The following ADAMTSL3 variants were observed in gnomAD, a reference collection of about 807,000 sequenced individuals.
The protein encoded by ADAMTSL3 is ADAMTS-like protein 3.
In ADAMTSL3, 128 loss-of-function variants were observed where a neutral mutation model predicts 201.7. That is an observed-to-expected ratio of 0.63 (90% CI 0.55 to 0.73). The LOEUF is 0.73. Among genes scored for constraint, ADAMTSL3 ranks in the 30% least tolerant of loss-of-function variants. The pLI is 0.00. For missense variants in ADAMTSL3, 1,990 were observed against 2,119.6 expected (o/e 0.94, Z 1.20); for synonymous variants, 738 against 748.4 (o/e 0.99, Z 0.23).
intron 7 of ADAMTSL3, among the ~76,000 whole-genome samples, chr15:83,852,153 C>T (rs2064629493): frequency 6.6e-6 from 1 of 152,038 alleles, no homozygotes; most frequent in South Asian, 2.1e-4. Flanking sequence ...TGCTCTGTCG[C>T]CCAGGCTGGT....
chr15:83,973,301 A>G (rs1232026239), intron 20 of ADAMTSL3, among the ~76,000 whole-genome samples: 3 of 152,084 alleles, frequency 2.0e-5, no homozygotes, highest in East Asian at 1.9e-4. Flanking sequence ...TGGTTCTTCC[A>G]TATCTCCTTA....
At chr15:83,989,171 C>T (rs1295599175) in intron 22 of ADAMTSL3, among the ~76,000 whole-genome samples, 6 of 152,300 alleles carry the variant, frequency 3.9e-5, no homozygotes, top group East Asian at 1.9e-4. Flanking sequence ...CGTGAGCCAC[C>T]GCGCCTGGCT....
At chr15:83,773,793 A>G (rs1407595310) in intron 4 of ADAMTSL3, 143 bp downstream of exon 4, 9 of 1,220,358 alleles carry the variant, frequency 7.4e-6, no homozygotes, top group Non-Finnish European at 1.0e-5. Context: ...TAGTCAACCT[A>G]GGTTAACATA....
chr15:83,802,358 G>T (rs976458835), intron 4 of ADAMTSL3, among the ~76,000 whole-genome samples: 1 of 151,996 alleles, frequency 6.6e-6, no homozygotes, highest in Non-Finnish European at 1.5e-5. Context: ...CCACTTCTAG[G>T]TATTTACCCA....
At chr15:83,918,223 A>G (rs2066073968) in intron 16 of ADAMTSL3, among the ~76,000 whole-genome samples, 2 of 152,244 alleles carry the variant, frequency 1.3e-5, no homozygotes, top group South Asian at 2.1e-4. Flanking sequence ...TCCTGGCAGT[A>G]GTAGAAATCT....
chr15:83,998,457 G>GA (rs1399917705), intron 23 of ADAMTSL3, among the ~76,000 whole-genome samples: 1 of 151,950 alleles, frequency 6.6e-6, no homozygotes, highest in South Asian at 2.1e-4. Context: ...TCGAAAAAAG[G>GA]AAAAAAAGAA....
At chr15:83,902,967 C>G (rs980137768) in intron 15 of ADAMTSL3, among the ~76,000 whole-genome samples, 5 of 152,144 alleles carry the variant, frequency 3.3e-5, no homozygotes, top group Non-Finnish European at 7.3e-5. Flanking sequence ...CCAGGGCCAC[C>G]CTTGTTTCAT....
intron 20 of ADAMTSL3, among the ~76,000 whole-genome samples, chr15:83,978,786 G>A (rs1287987138): frequency 6.6e-6 from 1 of 152,230 alleles, no homozygotes; most frequent in Non-Finnish European, 1.5e-5. Flanking sequence ...AATGGCCAAA[G>A]CAGAGTTGGG....
chr15:83,948,034 T>C (rs2066687539), intron 19 of ADAMTSL3, among the ~76,000 whole-genome samples: 2 of 152,198 alleles, frequency 1.3e-5, no homozygotes, highest in Non-Finnish European at 2.9e-5. Flanking sequence ...CTGCCAACTC[T>C]TCAACTCTTG....
chr15:83,972,211 C>G (rs1056340892), intron 20 of ADAMTSL3, among the ~76,000 whole-genome samples: 9 of 152,236 alleles, frequency 5.9e-5, no homozygotes, highest in Admixed American at 3.9e-4. Flanking sequence ...ACAAGTCTGT[C>G]TGATTCTTTA....
chr15:83,751,272 A>G (rs79046244), intron 3 of ADAMTSL3, among the ~76,000 whole-genome samples: 13,541 of 152,294 alleles, frequency 0.089, 748 homozygotes, highest in Admixed American at 0.19. Context: ...CAACGTTATT[A>G]AAATTTTGGC....
chr15:83,730,461 G>A (rs967656345), intron 3 of ADAMTSL3, among the ~76,000 whole-genome samples: 14 of 152,070 alleles, frequency 9.2e-5, no homozygotes, highest in African/African-American at 2.9e-4. Context: ...GATCCTCCTC[G>A]GAGTGGTGCT....
chr15:83,726,579 G>GT (rs2062179080), intron 3 of ADAMTSL3, among the ~76,000 whole-genome samples: 1 of 151,856 alleles, frequency 6.6e-6, no homozygotes, highest in Admixed American at 6.6e-5. Flanking sequence ...TCTATATCTA[G>GT]TTTTTTAGTT....
At chr15:84,027,453 G>A (rs540666603) in intron 27 of ADAMTSL3, among the ~76,000 whole-genome samples, 6 of 152,258 alleles carry the variant, frequency 3.9e-5, no homozygotes, top group South Asian at 2.1e-4. Context: ...GGCCGGGCGC[G>A]GTGACTCACA....
At chr15:84,008,447 T>C (rs1447615000) in intron 23 of ADAMTSL3, among the ~76,000 whole-genome samples, 2 of 152,138 alleles carry the variant, frequency 1.3e-5, no homozygotes, top group Non-Finnish European at 2.9e-5. Context: ...TACACTAGCA[T>C]TGGACAGTTG....
At chr15:83,725,027 A>G (rs2062152992) in intron 3 of ADAMTSL3, among the ~76,000 whole-genome samples, 1 of 151,980 alleles carries the variant, frequency 6.6e-6, no homozygotes, top group Admixed American at 6.6e-5. Context: ...GGGAGGGCAG[A>G]TATCTCTTCG....
rs1268599173 is a variant in ADAMTSL3, at chr15:83,982,286, G to A, written c.2658G>A (p.Glu886=). 2 of 1,587,054 alleles carry A rather than the reference G, an allele frequency of 1.3e-6. No homozygotes were observed. Among genetic ancestry groups the A allele is most frequent in the Non-Finnish European group, 1.7e-6 (2 of 1,165,094 alleles). Residue 886 remains glutamate (E), a synonymous_variant, in exon 21 of 30, where the codon GAG becomes GAA. Coordinates refer to ENST00000286744, the MANE Select transcript of ADAMTSL3 (RefSeq NM_207517.3). ...TTTTTCTTGGAGAAATCAAATCAGA[G>A]ATGAAGACAAAACTTGGTGAGCAGG... ...QMPECSKIKS[E]MKTKLGEQGP...
At chr15:83,756,376 T>C (rs932211178) in intron 3 of ADAMTSL3, among the ~76,000 whole-genome samples, 2 of 152,178 alleles carry the variant, frequency 1.3e-5, no homozygotes, top group Non-Finnish European at 2.9e-5. Context: ...AGGGACATCT[T>C]AATATGGTGG....
Position 84,036,876 on chromosome 15 carries a change from C to T in ADAMTSL3, c.4858C>T (p.Arg1620Trp), listed in dbSNP as rs1420299042. 3.7e-6 allele frequency: 6 copies of T among 1,614,064 alleles called. No homozygotes were observed. The highest frequency in any genetic ancestry group is 4.5e-5 in the East Asian group (2 of 44,870). Reference protein sequence around the residue: ...TAACGRGFQSRKVDCIHTRSC... With the variant: ...TAACGRGFQSWKVDCIHTRSC... ...AGCCTGTGGCAGGGGTTTCCAGTCT[C>T]GGAAAGTCGACTGTATCCACACAAG... The change falls in exon 29 of 30, where the codon CGG (arginine) becomes TGG (tryptophan). Residue 1620 changes from arginine to tryptophan, a missense_variant. Physicochemically the swap from Arg to Trp is moderately radical, Grantham distance 101 (BLOSUM62 -3). Coordinates refer to ENST00000286744, the MANE Select transcript of ADAMTSL3 (RefSeq NM_207517.3).
Sources: allele counts gnomAD v4.1 joint callset (sites outside exome capture counted in the v4.1 genomes callset), GRCh38; gene constraint gnomAD v4.1.1; transcripts MANE v1.5; gene names NCBI Gene and HGNC (gene_info 2026-07-23, HGNC 2026-07-21).